ZDHHC15: variants seen among roughly 807,000 people sequenced by gnomAD.
ZDHHC15 encodes the protein zDHHC palmitoyltransferase 15, also known as palmitoyltransferase ZDHHC15.
Under a neutral mutation model 31.7 loss-of-function variants are expected in ZDHHC15, and 19 were observed. The ratio of observed to expected loss-of-function variants is 0.60; its 90% CI spans 0.42 to 0.88. The LOEUF (loss-of-function observed/expected upper bound fraction) is 0.88, where lower values mean the gene tolerates loss of function less well. Among genes scored for constraint, ZDHHC15 ranks in the 40% least tolerant of loss-of-function variants. The probability of loss-of-function intolerance (pLI) is 0.00; values close to 1 mark genes in which losing one functional copy is unlikely to be tolerated. For synonymous variants in ZDHHC15, 103 were observed against 90.0 expected, an observed-to-expected ratio of 1.14 and a Z score of -0.82; for missense variants, 209 against 251.2, an observed-to-expected ratio of 0.83 and a Z score of 1.14.
intron 1 of ZDHHC15, 94 bp from the exon 2 acceptor site, chrX:75,505,941 C>A (rs751215256): frequency 1.2e-6 from 1 of 817,240 alleles, no homozygotes; most frequent in African/African-American, 2.0e-5. Context: ...AAAGTCTTGT[C>A]TAACTCATTT....
intron 2 of ZDHHC15, among the ~76,000 whole-genome samples, chrX:75,487,368 A>T (rs886488088): frequency 8.9e-6 from 1 of 112,279 alleles, no homozygotes; most frequent in Admixed American, 9.4e-5. Flanking sequence ...GTTTGCAGAC[A>T]TTCCCCAGAA....
At chrX:75,486,661 G>T (rs369292473) in intron 2 of ZDHHC15, among the ~76,000 whole-genome samples, 9 of 112,065 alleles carry the variant, frequency 8.0e-5, no homozygotes, top group East Asian at 2.8e-4. Context: ...AAGCAAGAAT[G>T]AGATTGGCCT....
intron 10 of ZDHHC15, among the ~76,000 whole-genome samples, chrX:75,406,142 T>A (rs2083408724): frequency 9.0e-6 from 1 of 111,326 alleles, no homozygotes; most frequent in Admixed American, 9.6e-5. Context: ...AATTAAAAAA[T>A]GTCTTGAAAC....
intron 10 of ZDHHC15, among the ~76,000 whole-genome samples, chrX:75,402,659 C>T (rs2083369892): frequency 9.0e-6 from 1 of 111,162 alleles, no homozygotes; most frequent in African/African-American, 3.3e-5. Flanking sequence ...TTCCTAGACA[C>T]ATATACCCTC....
intron 1 of ZDHHC15, among the ~76,000 whole-genome samples, chrX:75,517,776 A>G (rs2085382128): frequency 9.0e-6 from 1 of 110,604 alleles, no homozygotes. Context: ...CTCGTATCTT[A>G]TGCCAGATAT....
chrX:75,371,789 T>C lies in ZDHHC15; in HGVS notation c.*1189A>G, dbSNP rs950608389. On this transcript the variant is annotated 3_prime_UTR_variant, in exon 12 of 12. Coordinates refer to ENST00000373367, the MANE Select transcript of ZDHHC15 (RefSeq NM_144969.3). ...TTATTGTAAAGAATCAGTACTAGTA[T>C]TCTCACTCATTGATTCAGGCACTAG... 5 of 111,942 alleles carry C rather than the reference T, an allele frequency of 4.5e-5. No individual in the cohort carries two copies. The allele number at this position is 111,942 out of a possible 1,213,427, so 9.2% of individuals were successfully genotyped here.
At chrX:75,443,820 C>A (rs1363711060) in intron 4 of ZDHHC15, among the ~76,000 whole-genome samples, 1 of 112,166 alleles carries the variant, frequency 8.9e-6, no homozygotes, top group Non-Finnish European at 1.9e-5. Context: ...TATGAATAGA[C>A]ACTTCTCAAA....
Position 75,449,463 on chromosome X carries a change from T to C in ZDHHC15, c.379+1339A>G, listed in dbSNP as rs147826085. 2.9e-3 allele frequency among the ~76,000 whole-genome samples: 319 copies of C among 111,578 alleles called. 2 individuals carry two copies. In the East Asian group the frequency reaches 0.031, roughly 11 times the overall value. On this transcript the variant is annotated intron_variant, in intron 4 of 11. Coordinates refer to ENST00000373367, the MANE Select transcript of ZDHHC15 (RefSeq NM_144969.3). ...TACCCAGATTCAACAATTATCAACA[T>C]TGTGTCATTTTTGTTTCACCTATCT...
intron 10 of ZDHHC15, among the ~76,000 whole-genome samples, chrX:75,396,332 A>C (rs1446025610): frequency 1.8e-5 from 2 of 112,282 alleles, no homozygotes; most frequent in Admixed American, 9.4e-5. Flanking sequence ...AAAATGGGCA[A>C]AAGATGTGAA....
chrX:75,399,834 G>A (rs2083336639), intron 10 of ZDHHC15, among the ~76,000 whole-genome samples: 1 of 111,155 alleles, frequency 9.0e-6, no homozygotes. Flanking sequence ...TCACCTGCTG[G>A]TTCATACCCC....
intron 2 of ZDHHC15, among the ~76,000 whole-genome samples, chrX:75,491,111 C>A (rs2148009537): frequency 9.0e-6 from 1 of 111,354 alleles, no homozygotes; most frequent in African/African-American, 3.3e-5. Flanking sequence ...TTGGACCCAG[C>A]CATCCCATTA....
intron 3 of ZDHHC15, among the ~76,000 whole-genome samples, chrX:75,470,815 A>T (rs2084492955): frequency 9.0e-6 from 1 of 111,532 alleles, no homozygotes; most frequent in African/African-American, 3.3e-5. Flanking sequence ...TCCCTGACTG[A>T]TAGGGTGAGG....
At chrX:75,487,774 T>A (rs1455923318) in intron 2 of ZDHHC15, among the ~76,000 whole-genome samples, 1 of 110,721 alleles carries the variant, frequency 9.0e-6, no homozygotes, top group Admixed American at 9.6e-5. Flanking sequence ...TTAAAGAAAT[T>A]AAAAAACAAC....
intron 10 of ZDHHC15, among the ~76,000 whole-genome samples, chrX:75,416,059 T>G (rs772373669): frequency 1.5e-4 from 17 of 112,377 alleles, no homozygotes; most frequent in African/African-American, 5.2e-4. Flanking sequence ...AATTTTCCAA[T>G]AGTCAGCAGG....
At chrX:75,406,366 A>C (rs1280416788) in intron 10 of ZDHHC15, among the ~76,000 whole-genome samples, 1 of 111,560 alleles carries the variant, frequency 9.0e-6, no homozygotes, top group Non-Finnish European at 1.9e-5. Context: ...AAACAAATAA[A>C]ATTAATATTT....
chrX:75,502,447 C>T (rs748825111), intron 2 of ZDHHC15, among the ~76,000 whole-genome samples: 109 of 111,963 alleles, frequency 9.7e-4, no homozygotes, highest in African/African-American at 3.5e-3. Flanking sequence ...TTAGAAATTA[C>T]ATCTGTTTCT....
chrX:75,461,237 A>G (rs1278369043), intron 3 of ZDHHC15, among the ~76,000 whole-genome samples: 2 of 112,266 alleles, frequency 1.8e-5, no homozygotes, highest in Non-Finnish European at 3.7e-5. Context: ...AGAATAGAGA[A>G]TAAGGAATAA....
intron 4 of ZDHHC15, among the ~76,000 whole-genome samples, chrX:75,445,948 A>G (rs1437627008): frequency 1.8e-5 from 2 of 111,072 alleles, no homozygotes; most frequent in Admixed American, 1.9e-4. Flanking sequence ...GCCACTATAC[A>G]AGACAATGTT....
intron 4 of ZDHHC15, among the ~76,000 whole-genome samples, chrX:75,447,191 T>A (rs1190185622): frequency 8.9e-6 from 1 of 111,832 alleles, no homozygotes; most frequent in Non-Finnish European, 1.9e-5. Context: ...TATAGCACCA[T>A]TCTCTGGGGT....
Sources: gnomAD v4.1 joint callset for allele counts (sites outside exome capture counted in the v4.1 genomes callset) on GRCh38, gnomAD v4.1.1 for gene constraint, MANE v1.5 for transcripts, NCBI Gene and HGNC (gene_info 2026-07-23, HGNC 2026-07-21) for gene names.